PALLD: variants seen among roughly 807,000 people sequenced by gnomAD.
PALLD encodes palladin, cytoskeletal associated protein.
A neutral mutation model predicts 123.5 loss-of-function variants in PALLD; 61 were observed. That is an observed-to-expected ratio of 0.49 (90% CI 0.40 to 0.61). PALLD has a LOEUF of 0.61. Ranked by LOEUF, PALLD falls within the 20% of genes least tolerant of loss-of-function variation. The pLI is 0.00. For synonymous variants in PALLD, 465 were observed against 496.4 expected (o/e 0.94, Z 0.84); for missense variants, 1,273 against 1,377.0 (o/e 0.92, Z 1.20).
chr4:168,694,027 C>G (rs753118938), intron 8 of PALLD, among the ~76,000 whole-genome samples: 9 of 152,174 alleles, frequency 5.9e-5, no homozygotes, highest in Non-Finnish European at 1.2e-4. Flanking sequence ...AGGTATGATT[C>G]TTTTACTAGT....
chr4:168,833,340 G>A (rs988192140), intron 10 of PALLD, among the ~76,000 whole-genome samples: 1 of 152,140 alleles, frequency 6.6e-6, no homozygotes, highest in African/African-American at 2.4e-5. Flanking sequence ...ACAGGCCCGG[G>A]CACACCGAGT....
chr4:168,857,140 C>T (rs1748724768), intron 10 of PALLD, among the ~76,000 whole-genome samples: 1 of 152,212 alleles, frequency 6.6e-6, no homozygotes, highest in South Asian at 2.1e-4. Flanking sequence ...GGCCATTCCT[C>T]GCCCTCCATG....
chr4:168,849,357 T>C (rs73864655), intron 10 of PALLD, among the ~76,000 whole-genome samples: 49 of 152,344 alleles, frequency 3.2e-4, no homozygotes, highest in African/African-American at 1.1e-3. Context: ...ATTTTTGTCA[T>C]TGTATAAACT....
intron 2 of PALLD, among the ~76,000 whole-genome samples, chr4:168,570,968 A>G (rs1034436228): frequency 1.3e-5 from 2 of 152,174 alleles, no homozygotes; most frequent in Admixed American, 1.3e-4. Flanking sequence ...CTTGTGAAGC[A>G]TTTATTTAGG....
rs76619968 is a variant in PALLD at position 168,794,094 on chromosome 4, C to T, written c.1964+82171C>T. ...CCCGTCCTCAGCCTCGACGGAACCC[C>T]TTTTCCAGGGGTTCTCCAGGCCCGC... On this transcript the variant is annotated intron_variant, in intron 10 of 21. Coordinates refer to ENST00000505667, the MANE Select transcript of PALLD (RefSeq NM_001166108.2). Among the ~76,000 whole-genome samples, 960 of 152,264 alleles carry T rather than the reference C, an allele frequency of 6.3e-3. 6 individuals carry two copies. Among genetic ancestry groups the T allele is most frequent in the Middle Eastern group, 0.034 (10 of 294 alleles).
At chr4:168,533,439 A>T (rs1360914345) in intron 2 of PALLD, among the ~76,000 whole-genome samples, 1 of 152,204 alleles carries the variant, frequency 6.6e-6, no homozygotes, top group African/African-American at 2.4e-5. Flanking sequence ...GAGTTATTGA[A>T]ATTAAGAATA....
chr4:168,816,803 G>A (rs1419300593), intron 10 of PALLD, among the ~76,000 whole-genome samples: 2 of 146,306 alleles, frequency 1.4e-5, no homozygotes, highest in Non-Finnish European at 3.0e-5. Context: ...AGAGTGACCT[G>A]TTGGAGCTAG....
chr4:168,721,556 G>A (rs942855388), intron 10 of PALLD, among the ~76,000 whole-genome samples: 10 of 152,114 alleles, frequency 6.6e-5, no homozygotes, highest in African/African-American at 2.4e-4. Context: ...GGAAATTTGG[G>A]CAGATTATAT....
At chr4:168,550,481 G>A (rs1193645837) in intron 2 of PALLD, among the ~76,000 whole-genome samples, 5 of 152,100 alleles carry the variant, frequency 3.3e-5, no homozygotes, top group African/African-American at 7.2e-5. Context: ...ATGTGGAACC[G>A]AAGCAAAAGG....
intron 2 of PALLD, among the ~76,000 whole-genome samples, chr4:168,562,408 C>T (rs996030589): frequency 4.6e-5 from 7 of 152,160 alleles, no homozygotes; most frequent in African/African-American, 1.7e-4. Flanking sequence ...GGAGATATCG[C>T]TATGAACAAG....
intron 2 of PALLD, among the ~76,000 whole-genome samples, chr4:168,641,170 G>A (rs552876913): frequency 2.0e-5 from 3 of 151,186 alleles, no homozygotes; most frequent in Non-Finnish European, 2.9e-5. Context: ...ATTGCACCAC[G>A]GCACTCCAGC....
intron 2 of PALLD, among the ~76,000 whole-genome samples, chr4:168,627,667 A>C (rs1453557667): frequency 6.6e-6 from 1 of 152,180 alleles, no homozygotes; most frequent in South Asian, 2.1e-4. Flanking sequence ...ATGTCATGAG[A>C]TATCAAGAGC....
intron 10 of PALLD, among the ~76,000 whole-genome samples, chr4:168,713,303 T>C (rs1785017555): frequency 6.6e-6 from 1 of 152,224 alleles, no homozygotes; most frequent in Admixed American, 6.5e-5. Context: ...AGATTTATGC[T>C]CTTGTAGCAG....
chr4:168,688,836 G>C (rs11132414), intron 6 of PALLD, among the ~76,000 whole-genome samples: 33,151 of 151,990 alleles, frequency 0.22, 3,945 homozygotes, highest in East Asian at 0.37. Flanking sequence ...GTGCCTCAAA[G>C]CTGAAGCATG....
chr4:168,558,990 T>C (rs1335333676), intron 2 of PALLD, among the ~76,000 whole-genome samples: 1 of 152,186 alleles, frequency 6.6e-6, no homozygotes, highest in African/African-American at 2.4e-5. Context: ...CAGGACTAGG[T>C]TGGAATGAAT....
chr4:168,813,760 G>A (rs1741513682), intron 10 of PALLD, among the ~76,000 whole-genome samples: 1 of 152,162 alleles, frequency 6.6e-6, no homozygotes, highest in African/African-American at 2.4e-5. Flanking sequence ...GTATGATTCT[G>A]TCTCGCATAA....
chr4:168,698,714 T>C (rs1783396499), intron 8 of PALLD, among the ~76,000 whole-genome samples: 1 of 152,122 alleles, frequency 6.6e-6, no homozygotes, highest in Non-Finnish European at 1.5e-5. Context: ...TTGAATCTAG[T>C]TGATGGCCCA....
intron 2 of PALLD, among the ~76,000 whole-genome samples, chr4:168,584,216 T>TTTTG (rs1554045726): frequency 9.5e-5 from 2 of 21,122 alleles, no homozygotes; most frequent in African/African-American, 4.3e-4. Flanking sequence ...GACCATCAGG[T>TTTTG]TTTTTTTTTT....
At position 168,869,777 on chromosome 4, in the gene PALLD, G is replaced by T. The variant is rs1047504068; in HGVS notation, c.1965-21145G>T. On this transcript the variant is annotated intron_variant, in intron 10 of 21. Transcript: ENST00000505667. The surrounding 1 kb of genome is among the most constrained non-coding windows in gnomAD (Gnocchi z 4.5). ...AGCACATTTATGTTACATGGAAGTG[G>T]ATAGTGGAATTCAGGACTGAGGGCT... 6.6e-6 allele frequency among the ~76,000 whole-genome samples: 1 copy of T among 152,182 alleles called. No individual in the cohort carries two copies. Among genetic ancestry groups the T allele is most frequent in the African/African-American group, 2.4e-5 (1 of 41,444 alleles).
Sources: allele counts gnomAD v4.1 joint callset (sites outside exome capture counted in the v4.1 genomes callset), GRCh38; gene constraint gnomAD v4.1.1; non-coding constraint Gnocchi (gnomAD v3.1); transcripts MANE v1.5; gene names NCBI Gene and HGNC (gene_info 2026-07-23, HGNC 2026-07-21).